IL1R1: variants seen among roughly 807,000 people sequenced by gnomAD.
The protein encoded by IL1R1 is interleukin-1 receptor type 1.
In IL1R1, 22 loss-of-function variants were observed where a neutral mutation model predicts 50.2. The observed-to-expected ratio is 0.44, with a 90% CI of 0.31 to 0.63. The LOEUF is 0.63. IL1R1 is among the 20% of genes least tolerant of loss of function. The pLI is 0.07. For synonymous variants in IL1R1, 251 were observed against 236.7 expected, an observed-to-expected ratio of 1.06 and a Z score of -0.55; for missense variants, 509 against 676.2, an observed-to-expected ratio of 0.75 and a Z score of 2.74.
intron 3 of IL1R1, among the ~76,000 whole-genome samples, chr2:102,163,925 A>G (rs973563343): frequency 6.6e-6 from 1 of 152,138 alleles, no homozygotes; most frequent in African/African-American, 2.4e-5. Flanking sequence ...ATCAGGAAAA[A>G]GTTTATTCTT....
chr2:102,176,333 T>C lies in IL1R1; in HGVS notation c.1304-20T>C, dbSNP rs746784489. On this transcript the variant is annotated intron_variant, in intron 11 of 11. Transcript: ENST00000410023. ...GATAAATAGAATTTTACTTACTATA[T>C]TGTGCTTCCTGTTTTTCAGACATTG... 6.2e-7 allele frequency: 1 copy of C among 1,607,708 alleles called. No individual in the cohort carries two copies. The highest frequency in any genetic ancestry group is 8.5e-7 in the Non-Finnish European group (1 of 1,176,718).
At chr2:102,150,953 T>C (rs901407117) in intron 1 of IL1R1, among the ~76,000 whole-genome samples, 1 of 152,240 alleles carries the variant, frequency 6.6e-6, no homozygotes, top group East Asian at 1.9e-4. Context: ...TTTTATTTTA[T>C]GTGGAAAATT....
chr2:102,162,562 T>G (rs1405032869), intron 3 of IL1R1, among the ~76,000 whole-genome samples: 3 of 152,084 alleles, frequency 2.0e-5, no homozygotes, highest in Admixed American at 2.0e-4. Flanking sequence ...GTCATAACTG[T>G]TTGTTGTGTA....
upstream of IL1R1, among the ~76,000 whole-genome samples, chr2:102,140,351 A>C (rs1309366070): frequency 1.3e-5 from 2 of 152,174 alleles, no homozygotes; most frequent in African/African-American, 4.8e-5. Flanking sequence ...AACTCTTCCC[A>C]AAGAGGGTCC....
At chr2:102,073,256 C>T (rs1372967436) in intron 1 of IL1R1, among the ~76,000 whole-genome samples, 1 of 152,134 alleles carries the variant, frequency 6.6e-6, no homozygotes, top group Non-Finnish European at 1.5e-5. Flanking sequence ...ATACGGTGAA[C>T]ATCATAGACA....
At chr2:102,165,696 G>C (rs1178099913) in intron 5 of IL1R1, among the ~76,000 whole-genome samples, 3 of 152,146 alleles carry the variant, frequency 2.0e-5, no homozygotes, top group Non-Finnish European at 4.4e-5. Flanking sequence ...GGGTTGACTA[G>C]CTTTCCATGG....
intron 1 of IL1R1, among the ~76,000 whole-genome samples, chr2:102,094,106 A>G (rs925913312): frequency 2.0e-5 from 3 of 152,256 alleles, no homozygotes; most frequent in South Asian, 2.1e-4. Context: ...ATTCAATTTC[A>G]TCATGCAAGT....
At chr2:102,079,448 A>G (rs1440765241) in intron 1 of IL1R1, among the ~76,000 whole-genome samples, 1 of 152,172 alleles carries the variant, frequency 6.6e-6, no homozygotes, top group Non-Finnish European at 1.5e-5. Flanking sequence ...ATTTTTATAT[A>G]TTAGCAATGA....
chr2:102,143,729 G>A (rs542940327), intron 1 of IL1R1, among the ~76,000 whole-genome samples: 57 of 152,298 alleles, frequency 3.7e-4, no homozygotes, highest in African/African-American at 1.3e-3. Context: ...CTGCCTGCCA[G>A]GGCTTTCTCC....
chr2:102,106,240 G>C (rs1680401572), intron 1 of IL1R1, among the ~76,000 whole-genome samples: 1 of 151,918 alleles, frequency 6.6e-6, no homozygotes, highest in Non-Finnish European at 1.5e-5. Context: ...GTGTGTCTCT[G>C]TGTGTGTGTG....
chr2:102,143,183 C>T (rs528253774), intron 1 of IL1R1, among the ~76,000 whole-genome samples, 163 bp downstream of exon 1: 1 of 152,222 alleles, frequency 6.6e-6, no homozygotes, highest in South Asian at 2.1e-4. Flanking sequence ...GTGAGGTCTG[C>T]GTGTGTGTGT....
intron 5 of IL1R1, 79 bp from the exon 6 acceptor site, chr2:102,166,034 A>G (rs1685152091): frequency 5.6e-6 from 7 of 1,258,160 alleles, no homozygotes; most frequent in African/African-American, 1.5e-5. Flanking sequence ...TAAGGTGAAA[A>G]AAATGGAGCT....
chr2:102,100,726 C>A (rs1477054471), upstream of IL1R1, among the ~76,000 whole-genome samples: 1 of 152,128 alleles, frequency 6.6e-6, no homozygotes, highest in East Asian at 1.9e-4. Context: ...CTTTCCCATT[C>A]CTTCATCTGT....
chr2:102,110,299 G>C (rs1025821778), intron 1 of IL1R1, among the ~76,000 whole-genome samples: 2 of 152,136 alleles, frequency 1.3e-5, no homozygotes, highest in Non-Finnish European at 2.9e-5. Context: ...GCAATGTTGC[G>C]ACCAGTGGCA....
chr2:102,142,893 A>G lies in IL1R1; in HGVS notation c.-211A>G, dbSNP rs201014484. On this transcript the variant is annotated 5_prime_UTR_variant, in exon 1 of 12. Transcript: ENST00000410023. ...CCCGCGCGCCCCAGGGAGCGGCAGG[A>G]ATGTGACAATCGCGCGCCCGCGCAC... 6.6e-6 allele frequency: 1 copy of G among 151,140 alleles called. No individual in the cohort carries two copies. The highest frequency in any genetic ancestry group is 1.5e-5 in the Non-Finnish European group (1 of 67,712). The allele number at this position is 151,140 out of a possible 1,614,324, so 9.4% of individuals were successfully genotyped here.
intron 1 of IL1R1, among the ~76,000 whole-genome samples, chr2:102,113,701 C>T (rs963499921): frequency 6.6e-6 from 1 of 152,188 alleles, no homozygotes; most frequent in African/African-American, 2.4e-5. Flanking sequence ...GCACCAATGA[C>T]GCTCGGCCTC....
chr2:102,175,219 T>C (rs563514646), intron 10 of IL1R1, among the ~76,000 whole-genome samples: 9 of 152,136 alleles, frequency 5.9e-5, no homozygotes, highest in Non-Finnish European at 1.3e-4. Context: ...AGGGAGACTT[T>C]AAGGATGGCT....
intron 6 of IL1R1, among the ~76,000 whole-genome samples, chr2:102,168,025 T>C (rs982661251): frequency 2.0e-5 from 3 of 152,178 alleles, no homozygotes; most frequent in African/African-American, 7.2e-5. Flanking sequence ...GAGTGCTCAA[T>C]TTTATAGTTT....
intron 1 of IL1R1, among the ~76,000 whole-genome samples, chr2:102,083,709 G>T (rs1316446256): frequency 6.6e-6 from 1 of 152,138 alleles, no homozygotes; most frequent in African/African-American, 2.4e-5. Context: ...ACTTTGGGAC[G>T]CCGAGGCAGG....
Sources: gnomAD v4.1 joint callset for allele counts (sites outside exome capture counted in the v4.1 genomes callset) on GRCh38, gnomAD v4.1.1 for gene constraint, MANE v1.5 for transcripts, NCBI Gene and HGNC (gene_info 2026-07-23, HGNC 2026-07-21) for gene names.